Variants in MYOM2 observed in about 807,000 individuals in gnomAD.
MYOM2 encodes myomesin 2.
In MYOM2, 254 loss-of-function variants were observed where a neutral mutation model predicts 187.6. That is an observed-to-expected ratio of 1.35 (90% CI 1.22 to 1.50). The LOEUF is 1.50. Among genes scored for constraint, MYOM2 ranks in the 40% most tolerant of loss-of-function variants. The pLI is 0.00. For missense variants in MYOM2, 2,796 were observed against 1,924.0 expected, an observed-to-expected ratio of 1.45 and a Z score of -8.48; for synonymous variants, 981 against 753.8, an observed-to-expected ratio of 1.30 and a Z score of -4.94.
intron 32 of MYOM2, among the ~76,000 whole-genome samples, chr8:2,139,913 A>G (rs1311541354): frequency 2.0e-5 from 3 of 152,230 alleles, no homozygotes; most frequent in African/African-American, 7.2e-5. Context: ...ATATTGTAGC[A>G]TAATACACAT....
intron 1 of MYOM2, 30 bp from the exon 2 acceptor site, chr8:2,050,725 G>A: frequency 7.4e-7 from 1 of 1,349,070 alleles, no homozygotes; most frequent in Non-Finnish European, 1.1e-6. Flanking sequence ...TTGCGAGGGA[G>A]CTCAGTGTTG....
rs111515452 is a variant in MYOM2 at position 2,134,445 on chromosome 8, G to A, written c.3800+5213G>A. Among the ~76,000 whole-genome samples, 137 of 152,268 alleles carry A rather than the reference G, an allele frequency of 9.0e-4. 1 individual carries two copies. Among genetic ancestry groups the A allele is most frequent in the African/African-American group, 2.7e-3 (112 of 41,556 alleles). On this transcript the variant is annotated intron_variant, in intron 32 of 36. Coordinates refer to ENST00000262113, the MANE Select transcript of MYOM2 (RefSeq NM_003970.4). ...GTCTGCCCCGTCTCTTCCTGGGAAC[G>A]TTATTATTTTTCTCTTGGTAATTAG...
At chr8:2,090,646 C>G (rs1204693164) in intron 15 of MYOM2, among the ~76,000 whole-genome samples, 1 of 152,068 alleles carries the variant, frequency 6.6e-6, no homozygotes, top group Non-Finnish European at 1.5e-5. Context: ...TGATAGTCCC[C>G]CGTGTGTATT....
At chr8:2,092,203 C>A in intron 15 of MYOM2, 143 bp from the exon 16 acceptor site, 1 of 984,692 alleles carries the variant, frequency 1.0e-6, no homozygotes, top group Non-Finnish European at 1.5e-6. Context: ...GGCTCCTCTC[C>A]TACTCCTGGA....
chr8:2,054,137 T>C (rs1818580936), intron 3 of MYOM2, among the ~76,000 whole-genome samples: 1 of 152,218 alleles, frequency 6.6e-6, no homozygotes, highest in Admixed American at 6.5e-5. Flanking sequence ...TATTTATCCC[T>C]GACCTCCCAA....
chr8:2,136,640 C>G lies in MYOM2; in HGVS notation c.3801-4083C>G, dbSNP rs1041598399. 4.1e-5 allele frequency among the ~76,000 whole-genome samples: 6 copies of G among 145,814 alleles called. No individual in the cohort carries two copies. In the East Asian group the frequency reaches 1.2e-3, roughly 30 times the overall value. ...TGAAGCAATTGTGTGCAGTGGGGCC[C>G]TTATCTCCACTGCTGCCCAGCCGGT... On this transcript the variant is annotated intron_variant, in intron 32 of 36. Transcript: ENST00000262113.
In MYOM2 at chr8:2,076,168, C is replaced by T. The variant is rs755235931; in HGVS notation, c.1148C>T (p.Pro383Leu). 8 of 1,612,900 alleles carry T rather than the reference C, an allele frequency of 5.0e-6. No homozygotes were observed. In the South Asian group the frequency reaches 8.8e-5, roughly 18 times the overall value. ...GCTGACCCGCTGGTCACAGGGGCCCCCGGTGCACCCATGGACTTGCAGTGC... is the reference window on the plus strand; with the variant it reads ...GCTGACCCGCTGGTCACAGGGGCCCTCGGTGCACCCATGGACTTGCAGTGC... ...RDADPLVTGAPGAPMDLQCHD... is the reference protein window; with the variant it reads ...RDADPLVTGALGAPMDLQCHD... Residue 383 changes from proline to leucine, a missense_variant, in exon 11 of 37, where the codon CCC becomes CTC. Pro to Leu is a moderately conservative substitution (Grantham distance 98, BLOSUM62 -3). Coordinates refer to ENST00000262113, the MANE Select transcript of MYOM2 (RefSeq NM_003970.4).
chr8:2,142,616 A>C (rs1798311463), intron 35 of MYOM2, among the ~76,000 whole-genome samples: 2 of 147,122 alleles, frequency 1.4e-5, no homozygotes, highest in Non-Finnish European at 1.5e-5. Flanking sequence ...CCCCTTGGAC[A>C]CCCTCCCTCC....
chr8:2,137,462 G>A (rs144816841), intron 32 of MYOM2, among the ~76,000 whole-genome samples: 15 of 152,194 alleles, frequency 9.9e-5, no homozygotes, highest in African/African-American at 3.4e-4. Context: ...GGGCCAGGCA[G>A]GACTGAGGGC....
At chr8:2,060,431 C>T (rs1410185567) in intron 6 of MYOM2, among the ~76,000 whole-genome samples, 3 of 151,962 alleles carry the variant, frequency 2.0e-5, no homozygotes, top group Admixed American at 6.6e-5. Context: ...ATATATATAA[C>T]GGGAGGTGTG....
At chr8:2,126,463 T>C (rs1431910531) in intron 31 of MYOM2, among the ~76,000 whole-genome samples, 1 of 151,972 alleles carries the variant, frequency 6.6e-6, no homozygotes, top group Non-Finnish European at 1.5e-5. Flanking sequence ...ACCCACACCC[T>C]ACACACTCAC....
intron 13 of MYOM2, among the ~76,000 whole-genome samples, chr8:2,079,818 A>G (rs904595613): frequency 2.6e-5 from 4 of 152,154 alleles, no homozygotes; most frequent in African/African-American, 7.2e-5. Flanking sequence ...AGAGGGTGGG[A>G]GAAAGGGTGA....
In MYOM2 at chr8:2,129,215, A is replaced by G. The variant is rs1254118719; in HGVS notation, c.3783A>G (p.Lys1261=). ...CFMKYFTDEM[K]VNWCHKDAKI... Reference sequence around the variant, plus strand: ...TGAAGTATTTTACAGACGAAATGAAAGTGAACTGGTGTCACAAGTAAGTAT... The same window carrying G: ...TGAAGTATTTTACAGACGAAATGAAGGTGAACTGGTGTCACAAGTAAGTAT... Residue 1261 remains lysine (K), a synonymous_variant, in exon 32 of 37, where the codon AAA becomes AAG. Transcript: ENST00000262113. 1.2e-6 allele frequency: 2 copies of G among 1,610,132 alleles called. No individual in the cohort carries two copies. Among genetic ancestry groups the G allele is most frequent in the Non-Finnish European group, 8.5e-7 (1 of 1,176,666 alleles).
At chr8:2,055,478 C>A (rs915175998) in intron 3 of MYOM2, among the ~76,000 whole-genome samples, 1 of 152,134 alleles carries the variant, frequency 6.6e-6, no homozygotes, top group Non-Finnish European at 1.5e-5. Flanking sequence ...CAGACTGTTC[C>A]CTAAACATTG....
intron 31 of MYOM2, among the ~76,000 whole-genome samples, chr8:2,126,527 C>G (rs13260796): frequency 6.6e-6 from 1 of 152,198 alleles, no homozygotes; most frequent in Non-Finnish European, 1.5e-5. Context: ...CACACACACT[C>G]ATACACACAC....
chr8:2,113,707 G>A (rs977803102), intron 25 of MYOM2, among the ~76,000 whole-genome samples: 36 of 152,294 alleles, frequency 2.4e-4, no homozygotes, highest in Admixed American at 2.0e-3. Flanking sequence ...GACCATGTCC[G>A]CGGGCTCTCA....
intron 6 of MYOM2, 92 bp from the exon 7 acceptor site, chr8:2,069,186 G>A: frequency 8.1e-7 from 1 of 1,230,776 alleles, no homozygotes; most frequent in Non-Finnish European, 1.1e-6. Context: ...CACGCCATGT[G>A]ATTTGCTTTC....
chr8:2,114,000 C>T (rs1585929278), intron 25 of MYOM2, among the ~76,000 whole-genome samples: 1 of 152,122 alleles, frequency 6.6e-6, no homozygotes, highest in African/African-American at 2.4e-5. Flanking sequence ...GGAGGGTGCT[C>T]CCAAGGGCAG....
At chr8:2,086,947 T>C (rs1165714630) in intron 14 of MYOM2, among the ~76,000 whole-genome samples, 1 of 152,170 alleles carries the variant, frequency 6.6e-6, no homozygotes, top group Admixed American at 6.5e-5. Context: ...CTTTTTTTTT[T>C]TCCTGAATGC....
Sources: gnomAD v4.1 joint callset for allele counts (sites outside exome capture counted in the v4.1 genomes callset) on GRCh38, gnomAD v4.1.1 for gene constraint, MANE v1.5 for transcripts, NCBI Gene and HGNC (gene_info 2026-07-23, HGNC 2026-07-21) for gene names.